Variants in SPTLC3 observed in about 807,000 individuals in gnomAD.
The protein encoded by SPTLC3 is serine palmitoyltransferase 3.
A neutral mutation model predicts 59.3 loss-of-function variants in SPTLC3; 36 were observed. That is an observed-to-expected ratio of 0.61 (90% confidence interval 0.47 to 0.80). The LOEUF (loss-of-function observed/expected upper bound fraction) is 0.80. SPTLC3 is among the 30% of genes least tolerant of loss of function. SPTLC3 has a pLI of 0.00. For synonymous variants in SPTLC3, 257 were observed against 240.8 expected (o/e 1.07, Z -0.62); for missense variants, 625 against 685.1 (o/e 0.91, Z 0.98).
At chr20:13,056,061 C>G (rs190392709) in intron 2 of SPTLC3, among the ~76,000 whole-genome samples, 182 of 152,308 alleles carry the variant, frequency 1.2e-3, no homozygotes, top group Non-Finnish European at 2.1e-3. Flanking sequence ...ATGCTCCTAG[C>G]AACTAGGGGA....
chr20:13,116,808 G>A (rs917052857), intron 7 of SPTLC3, among the ~76,000 whole-genome samples: 1 of 152,180 alleles, frequency 6.6e-6, no homozygotes, highest in African/African-American at 2.4e-5. Flanking sequence ...CACGTTCTCA[G>A]CCCACCCAAT....
At chr20:13,113,196 A>G (rs1277840070) in intron 7 of SPTLC3, among the ~76,000 whole-genome samples, 1 of 152,122 alleles carries the variant, frequency 6.6e-6, no homozygotes, top group Non-Finnish European at 1.5e-5. Context: ...AACAACAACA[A>G]CAAAAAATTA....
chr20:13,092,289 T>C (rs1432027548), intron 5 of SPTLC3, among the ~76,000 whole-genome samples: 1 of 152,252 alleles, frequency 6.6e-6, no homozygotes, highest in African/African-American at 2.4e-5. Context: ...ATGACAATCA[T>C]GCTGGTGTTT....
chr20:13,164,056 C>T (rs554094830), intron 11 of SPTLC3, among the ~76,000 whole-genome samples: 5 of 152,014 alleles, frequency 3.3e-5, no homozygotes, highest in South Asian at 2.1e-4. Context: ...CCTCCCCACT[C>T]CCCCCATCCC....
chr20:13,084,645 G>A (rs1224158224), intron 4 of SPTLC3, among the ~76,000 whole-genome samples: 1 of 152,192 alleles, frequency 6.6e-6, no homozygotes, highest in Non-Finnish European at 1.5e-5. Context: ...TTGGCACATT[G>A]TTAAGCAGAT....
rs368521260 is a variant in SPTLC3, at chr20:13,117,744, G to T, written c.1152+19G>T. ...AAGGAAGGTAAGAGAGGGCCTGCTT[G>T]TGTCTGTTTAAAACCTGAGCGCCCT... On this transcript the variant is annotated intron_variant, in intron 8 of 11. Transcript: ENST00000399002. 6.3e-7 allele frequency: 1 copy of T among 1,593,548 alleles called. No homozygotes were observed. The highest frequency in any genetic ancestry group is 8.5e-7 in the Non-Finnish European group (1 of 1,171,364).
chr20:13,122,742 C>T (rs773483100), intron 8 of SPTLC3, among the ~76,000 whole-genome samples: 2 of 152,212 alleles, frequency 1.3e-5, no homozygotes, highest in African/African-American at 2.4e-5. Flanking sequence ...CTTATTATCT[C>T]TTCAGGGTCA....
chr20:13,158,790 A>G (rs973494119), intron 10 of SPTLC3, among the ~76,000 whole-genome samples: 14 of 152,274 alleles, frequency 9.2e-5, no homozygotes, highest in Admixed American at 5.9e-4. Flanking sequence ...CTGATAACCT[A>G]TGTTCTATCT....
intron 6 of SPTLC3, among the ~76,000 whole-genome samples, chr20:13,107,003 A>C (rs1989937630): frequency 6.6e-6 from 1 of 152,234 alleles, no homozygotes; most frequent in African/African-American, 2.4e-5. Context: ...AAAATGGGCC[A>C]GTAATGTAGT....
At chr20:13,117,764 C>T (rs1341514819) in intron 8 of SPTLC3, 39 bp downstream of exon 8, 21 of 1,552,544 alleles carry the variant, frequency 1.4e-5, no homozygotes, top group South Asian at 3.6e-5. Flanking sequence ...AAAACCTGAG[C>T]GCCCTGGGGA....
intron 9 of SPTLC3, among the ~76,000 whole-genome samples, chr20:13,133,806 G>C (rs1419022903): frequency 6.6e-6 from 1 of 152,114 alleles, no homozygotes; most frequent in African/African-American, 2.4e-5. Flanking sequence ...GGCTGGACAG[G>C]AGAACTGCCA....
At position 13,052,377 on chromosome 20, in the gene SPTLC3, G is replaced by A. The variant is rs371760680; in HGVS notation, c.303+3247G>A. ...ACTTTTCCCACAGTCTTCACAACCC[G>A]CAGACCAGGAGATTCCCTCAGGCGC... On this transcript the variant is annotated intron_variant, in intron 2 of 11. Transcript: ENST00000399002. Among the ~76,000 whole-genome samples the A allele has an allele frequency of 4.3e-4, 66 of 152,202 alleles. 2 individuals are homozygous for A. Among genetic ancestry groups the A allele is most frequent in the South Asian group, 3.7e-3 (18 of 4,816 alleles).
chr20:13,024,563 A>G (rs1174226959), intron 1 of SPTLC3, among the ~76,000 whole-genome samples: 2 of 152,146 alleles, frequency 1.3e-5, no homozygotes, highest in Non-Finnish European at 2.9e-5. Flanking sequence ...GAATGCACAA[A>G]TCTGAAGTAT....
chr20:13,072,692 C>G (rs1212047056), intron 3 of SPTLC3, among the ~76,000 whole-genome samples: 4 of 152,122 alleles, frequency 2.6e-5, no homozygotes, highest in African/African-American at 9.7e-5. Context: ...GCTTTATTGA[C>G]AAATTCTACT....
At chr20:13,147,188 A>G (rs1600383923) in intron 9 of SPTLC3, among the ~76,000 whole-genome samples, 1 of 152,240 alleles carries the variant, frequency 6.6e-6, no homozygotes, top group Non-Finnish European at 1.5e-5. Context: ...GAGCCCTTGG[A>G]ACATGTGTAT....
intron 2 of SPTLC3, among the ~76,000 whole-genome samples, chr20:13,067,543 C>G (rs6109682): frequency 0.4 from 60,674 of 151,936 alleles, 12,251 homozygotes; most frequent in Middle Eastern, 0.56. Context: ...GCATTTACAA[C>G]TTTATTTTGT....
At chr20:13,057,974 G>A (rs999027843) in intron 2 of SPTLC3, among the ~76,000 whole-genome samples, 2 of 152,070 alleles carry the variant, frequency 1.3e-5, no homozygotes, top group Non-Finnish European at 2.9e-5. Flanking sequence ...TTCTCAAGTC[G>A]CTATGGTCCC....
intron 4 of SPTLC3, among the ~76,000 whole-genome samples, chr20:13,087,978 A>G (rs1175878202): frequency 6.6e-6 from 1 of 152,140 alleles, no homozygotes; most frequent in Non-Finnish European, 1.5e-5. Context: ...CTAAAATGGC[A>G]TTTTTCTCAA....
chr20:13,110,719 G>A (rs1990184382), intron 7 of SPTLC3, among the ~76,000 whole-genome samples: 2 of 152,092 alleles, frequency 1.3e-5, no homozygotes, highest in Non-Finnish European at 2.9e-5. Flanking sequence ...AACCTGGGGT[G>A]CAATTCTTGT....
Sources: gnomAD v4.1 joint callset for allele counts (sites outside exome capture counted in the v4.1 genomes callset) on GRCh38, gnomAD v4.1.1 for gene constraint, MANE v1.5 for transcripts, NCBI Gene and HGNC (gene_info 2026-07-23, HGNC 2026-07-21) for gene names.